The following NEK5 variants were observed in gnomAD, a reference collection of about 807,000 sequenced individuals.
NEK5 encodes the protein NIMA related kinase 5.
A neutral mutation model predicts 109.2 loss-of-function variants in NEK5; 88 were observed. The observed-to-expected ratio is 0.81, with a 90% CI of 0.68 to 0.96. NEK5 has a LOEUF of 0.96. Ranked by LOEUF, NEK5 falls within the 40% of genes least tolerant of loss-of-function variation. NEK5 has a pLI of 0.00. For missense variants in NEK5, 834 were observed against 920.7 expected (o/e 0.91, Z 1.22); for synonymous variants, 283 against 299.9 (o/e 0.94, Z 0.58).
At chr13:52,095,962 C>G (rs1955405746) in intron 12 of NEK5, among the ~76,000 whole-genome samples, 1 of 152,132 alleles carries the variant, frequency 6.6e-6, no homozygotes, top group Non-Finnish European at 1.5e-5. Context: ...GGCAGATTCC[C>G]CCCTTGCTGT....
intron 23 of NEK5, among the ~76,000 whole-genome samples, chr13:52,041,093 G>T (rs1462791567): frequency 3.3e-5 from 5 of 152,046 alleles, no homozygotes. Context: ...GGAAGAAAAA[G>T]CAATTTTAAA....
At position 52,036,987 on chromosome 13, in the gene NEK5, G is replaced by A. The variant is rs750431423; in HGVS notation, c.2460C>T (p.Asp820=). 1.2e-4 allele frequency: 123 copies of A among 984,940 alleles called. No homozygotes were observed. The highest frequency in any genetic ancestry group is 1.5e-4 in the Non-Finnish European group (122 of 829,728). 61.0% of individuals were successfully genotyped at this position (984,940 alleles called of 1,614,324 possible). Residue 820 remains aspartate (D), a synonymous_variant, in exon 24 of 24, where the codon GAC becomes GAT. Transcript: ENST00000684899. ...TTTGACTGGTTGTTGATGTTCCTTG[G>A]TCTTCATCAGTAATACAAATGTGGT... ...SNDHICITDE[D]QGTSTTSQNI... is the part of the protein sequence containing the mutation.
At position 52,101,913 on chromosome 13, in the gene NEK5, C is replaced by T; in HGVS notation, c.892+20G>A. The T allele has an allele frequency of 6.3e-7, 1 of 1,596,152 alleles. No homozygotes were observed. The highest frequency in any genetic ancestry group is 8.6e-7 in the Non-Finnish European group (1 of 1,163,670). The stretch of plus-strand genomic sequence containing the variant: ...CATGTGTAATAAATACTTTTGATTG[C>T]ATGCCAAAGTCACACTTACTCTGGA... On this transcript the variant is annotated intron_variant, in intron 11 of 23. Coordinates refer to ENST00000684899, the MANE Select transcript of NEK5 (RefSeq NM_001365552.1).
At chr13:52,125,421 G>T (rs139430429) in intron 3 of NEK5, among the ~76,000 whole-genome samples, 610 of 152,314 alleles carry the variant, frequency 4.0e-3, no homozygotes, top group Non-Finnish European at 7.3e-3. Flanking sequence ...AAATTAGCCA[G>T]GCGTGGTGGC....
intron 23 of NEK5, among the ~76,000 whole-genome samples, chr13:52,038,448 C>T (rs1954384773): frequency 1.3e-5 from 2 of 152,150 alleles, no homozygotes; most frequent in Non-Finnish European, 2.9e-5. Context: ...GAAATGATTA[C>T]CTGACTTGCC....
intron 3 of NEK5, among the ~76,000 whole-genome samples, chr13:52,123,737 C>T (rs542007472): frequency 6.6e-6 from 1 of 152,114 alleles, no homozygotes; most frequent in South Asian, 2.1e-4. Context: ...AGAAAGCAGT[C>T]AGTACTATAA....
rs1409704991 is a variant in NEK5 at position 52,110,485 on chromosome 13, A to G, written c.396+9T>C. On this transcript the variant is annotated intron_variant, in intron 6 of 23. Coordinates refer to ENST00000684899, the MANE Select transcript of NEK5 (RefSeq NM_001365552.1). ...CAGTTCTGTCTTAGTCTTCTCTCTG[A>G]GCTGTTACCTGAGCTTTTATGTCCC... 6.2e-7 allele frequency: 1 copy of G among 1,606,054 alleles called. No individual in the cohort carries two copies.
intron 23 of NEK5, among the ~76,000 whole-genome samples, chr13:52,041,822 T>G (rs1401472868): frequency 6.6e-6 from 1 of 150,758 alleles, no homozygotes; most frequent in African/African-American, 2.4e-5. Context: ...CTGGAGATAA[T>G]TGAGAAGATA....
chr13:52,110,306 G>C, intron 7 of NEK5, 34 bp downstream of exon 7: 3 of 1,398,100 alleles, frequency 2.1e-6, no homozygotes, highest in East Asian at 4.6e-5. Flanking sequence ...GGGCTATTTT[G>C]ACTAGAAAGA....
chr13:52,038,791 C>T lies in NEK5; in HGVS notation c.2229-1573G>A, dbSNP rs538606452. Among the ~76,000 whole-genome samples the T allele has an allele frequency of 8.8e-5, 12 of 136,258 alleles. No homozygotes were observed. The South Asian group carries it at 2.5e-3, about 29-fold the overall frequency. 89.4% of individuals were successfully genotyped at this position (136,258 alleles called of 152,430 possible). ...AATGAGCTATGATCATGCCACTGCA[C>T]TCCAGCCTAGGCATCAGAGCAAGAC... On this transcript the variant is annotated intron_variant, in intron 23 of 23. Transcript: ENST00000684899.
chr13:52,103,322 T>C (rs1955580440), intron 9 of NEK5, among the ~76,000 whole-genome samples: 1 of 152,082 alleles, frequency 6.6e-6, no homozygotes, highest in Admixed American at 6.6e-5. Context: ...TCCCAGCTCC[T>C]CGGGAGGCTG....
chr13:52,046,201 G>A (rs556076214), intron 23 of NEK5, among the ~76,000 whole-genome samples: 36 of 151,580 alleles, frequency 2.4e-4, no homozygotes, highest in Admixed American at 1.4e-3. Context: ...GATTGACAAG[G>A]TACAGTGGCT....
intron 12 of NEK5, among the ~76,000 whole-genome samples, chr13:52,097,246 C>A (rs1955436012): frequency 6.6e-6 from 1 of 152,220 alleles, no homozygotes; most frequent in African/African-American, 2.4e-5. Flanking sequence ...CACACAGAGT[C>A]CCCACTGGGG....
At chr13:52,071,457 C>G (rs893852242) in intron 20 of NEK5, among the ~76,000 whole-genome samples, 18 of 152,240 alleles carry the variant, frequency 1.2e-4, no homozygotes, top group Admixed American at 6.5e-5. Context: ...GCCCATTGCA[C>G]TCTTGCAACG....
rs887557594 is a variant in NEK5, at chr13:52,035,844, G to C, written c.*1104C>G. The C allele has an allele frequency of 6.6e-6, 1 of 151,884 alleles. No homozygotes were observed. Among genetic ancestry groups the C allele is most frequent in the African/African-American group, 2.4e-5 (1 of 41,346 alleles). The allele number at this position is 151,884 out of a possible 1,614,324, so 9.4% of individuals were successfully genotyped here. A position where few individuals can be genotyped will look rare whatever the true frequency, so the allele number is the denominator to read the frequency against. On this transcript the variant is annotated 3_prime_UTR_variant, in exon 24 of 24. Coordinates refer to ENST00000684899, the MANE Select transcript of NEK5 (RefSeq NM_001365552.1). ...TCTTGCTCAATTGCCTTATTCCTGT[G>C]TCAACATCAGCTTCAAAAAAGTGTA...
In NEK5 at chr13:52,112,289, AC is replaced by A; in HGVS notation, c.290del (p.Gly97ValfsTer18). On this transcript the variant is annotated frameshift_variant, in exon 5 of 24. Transcript: ENST00000684899. LOFTEE classifies it high-confidence loss of function. ...DLMKRINRQRGVLFSEDQILG... is the reference protein window; with the variant it reads ...DLMKRINRQRXVLFSEDQILG... Reference sequence around the variant, plus strand: ...TTACCTGATCTTCACTAAATAACACACCCCGTTGTCTATTGATCCTTTTCAT... The same window carrying A: ...TTACCTGATCTTCACTAAATAACACACCCGTTGTCTATTGATCCTTTTCAT... The A allele has an allele frequency of 4.4e-6, 7 of 1,608,294 alleles. No individual in the cohort carries two copies. Among genetic ancestry groups the A allele is most frequent in the Non-Finnish European group, 6.0e-6 (7 of 1,175,008 alleles).
In NEK5 at chr13:52,083,253, T is replaced by C; in HGVS notation, c.1572+7A>G. The C allele has an allele frequency of 6.3e-7, 1 of 1,589,004 alleles. No individual in the cohort carries two copies. Among genetic ancestry groups the C allele is most frequent in the Admixed American group, 1.7e-5 (1 of 59,982 alleles). ...AAGCACACACATCTGATCATAGCCA[T>C]CATTACCTGCACAGGTGCTTCTCCC... On this transcript the variant is annotated splice_region_variant and intron_variant, in intron 17 of 23. Coordinates refer to ENST00000684899, the MANE Select transcript of NEK5 (RefSeq NM_001365552.1).
chr13:52,119,388 T>C lies in NEK5; in HGVS notation c.145A>G (p.Lys49Glu), dbSNP rs770051156. The change falls in exon 4 of 24, where the codon AAG becomes GAG. Residue 49 changes from lysine to glutamate, a missense_variant. By Grantham distance (56) the Lys-to-Glu change is moderately conservative. Transcript: ENST00000684899. ...TTTTCCAGAAGAATCACTTCTTTCTTTGAAGCTTCTTTTTCTTGTATGGGC... is the reference window on the plus strand; with the variant it reads ...TTTTCCAGAAGAATCACTTCTTTCTCTGAAGCTTCTTTTTCTTGTATGGGC... ...KMPIQEKEASKKEVILLEKMK... is the reference protein window; with the variant it reads ...KMPIQEKEASEKEVILLEKMK... 3 of 1,597,542 alleles carry C rather than the reference T, an allele frequency of 1.9e-6. No homozygotes were observed. In the African/African-American group the frequency reaches 4.0e-5, roughly 21 times the overall value.
intron 23 of NEK5, among the ~76,000 whole-genome samples, chr13:52,037,509 G>A (rs1486448139): frequency 1.3e-5 from 2 of 152,044 alleles, no homozygotes; most frequent in Non-Finnish European, 2.9e-5. Context: ...CGTACATCGA[G>A]CTCTTACTAT....
Sources: allele counts gnomAD v4.1 joint callset (sites outside exome capture counted in the v4.1 genomes callset), GRCh38; gene constraint gnomAD v4.1.1; transcripts MANE v1.5; gene names NCBI Gene and HGNC (gene_info 2026-07-23, HGNC 2026-07-21).